SRSF4: variants seen among roughly 807,000 people sequenced by gnomAD.
SRSF4 encodes serine/arginine-rich splicing factor 4.
A neutral mutation model predicts 48.8 loss-of-function variants in SRSF4; 12 were observed. That is an observed-to-expected ratio of 0.25 (90% confidence interval 0.16 to 0.40). The LOEUF (loss-of-function observed/expected upper bound fraction) is 0.40, where lower values mean the gene tolerates loss of function less well. Ranked by LOEUF, SRSF4 falls within the 10% of genes least tolerant of loss-of-function variation. The probability of loss-of-function intolerance (pLI) is 1.00; values close to 1 mark genes in which losing one functional copy is unlikely to be tolerated. For synonymous variants in SRSF4, 248 were observed against 232.5 expected (o/e 1.07, Z -0.61); for missense variants, 466 against 667.1 (o/e 0.70, Z 3.32).
At chr1:29,178,820 G>A (rs1045423301) in intron 1 of SRSF4, among the ~76,000 whole-genome samples, 7 of 152,160 alleles carry the variant, frequency 4.6e-5, no homozygotes, top group African/African-American at 1.7e-4. Context: ...TTGCCATACA[G>A]GCAATTTTTG....
chr1:29,159,350 C>G (rs775183007), intron 3 of SRSF4, 24 bp downstream of exon 3: 2 of 1,580,364 alleles, frequency 1.3e-6, no homozygotes, highest in South Asian at 2.2e-5. Context: ...CAACCTTACC[C>G]CAAAAGGTTA....
chr1:29,159,551 C>CACA, intron 2 of SRSF4, 65 bp from the exon 3 acceptor site: 1 of 1,078,654 alleles, frequency 9.3e-7, no homozygotes, highest in East Asian at 2.5e-5. Context: ...TGACACAGCA[C>CACA]ACACCCCCCC....
chr1:29,155,528 C>T (rs1307163999), intron 3 of SRSF4, among the ~76,000 whole-genome samples: 3 of 152,164 alleles, frequency 2.0e-5, no homozygotes, highest in South Asian at 2.1e-4. Flanking sequence ...CTTGCTTTGT[C>T]GCTCAGGCAG....
chr1:29,173,130 C>CTTTTTTTTTT (rs71586892), intron 1 of SRSF4: 5 of 78,556 alleles, frequency 6.4e-5, no homozygotes, highest in Non-Finnish European at 9.1e-5. Context: ...GTCAAAAAGG[C>CTTTTTTTTTT]TTTTTTTTTT....
At chr1:29,170,389 A>C (rs1024049877) in intron 1 of SRSF4, 1 of 152,234 alleles carries the variant, frequency 6.6e-6, no homozygotes, top group African/African-American at 2.4e-5. Flanking sequence ...CTGATTCCAC[A>C]CAAAAGCTAC....
At chr1:29,166,340 T>G (rs78102920) in intron 1 of SRSF4, among the ~76,000 whole-genome samples, 5,317 of 152,288 alleles carry the variant, frequency 0.035, 288 homozygotes, top group African/African-American at 0.12. Context: ...CATAAAGTGC[T>G]TGGCAAACTG....
Position 29,148,248 on chromosome 1 carries a change from G to C in SRSF4, c.*162C>G, listed in dbSNP as rs527516813. On this transcript the variant is annotated 3_prime_UTR_variant, in exon 6 of 6. Coordinates refer to ENST00000373795, the MANE Select transcript of SRSF4 (RefSeq NM_005626.5). ...CGAGCAGGAAGGCCTGGTGCCAGGA[G>C]GCTTTACTGAGAGGAAGCACTTAGA... 1 of 1,040,446 alleles carries C rather than the reference G, an allele frequency of 9.6e-7. No individual in the cohort carries two copies. The highest frequency in any genetic ancestry group is 1.6e-5 in the African/African-American group (1 of 63,138). 64.5% of individuals were successfully genotyped at this position (1,040,446 alleles called of 1,614,324 possible).
In SRSF4 at chr1:29,148,369, C is replaced by G. The variant is rs377693872; in HGVS notation, c.*41G>C. ...TTGTGCTACGGCTACCAAACATGTACAAAAGACTTCTCGGGTAGTTCCAGC... is the reference window on the plus strand; with the variant it reads ...TTGTGCTACGGCTACCAAACATGTAGAAAAGACTTCTCGGGTAGTTCCAGC... On this transcript the variant is annotated 3_prime_UTR_variant, in exon 6 of 6. Transcript: ENST00000373795. 3.9e-6 allele frequency: 6 copies of G among 1,553,576 alleles called. No homozygotes were observed. In the African/African-American group the frequency reaches 8.2e-5, roughly 21 times the overall value.
chr1:29,157,190 T>C (rs1255020855), intron 3 of SRSF4, among the ~76,000 whole-genome samples: 1 of 152,048 alleles, frequency 6.6e-6, no homozygotes, highest in Non-Finnish European at 1.5e-5. Context: ...CATGGGAACA[T>C]AATGGTGATA....
intron 1 of SRSF4, 119 bp downstream of exon 1, chr1:29,181,527 G>C (rs1001610366): frequency 1.2e-6 from 1 of 858,374 alleles, no homozygotes; most frequent in African/African-American, 1.8e-5. Context: ...CTATGGCGGA[G>C]CCTGGCCAGG....
intron 4 of SRSF4, 195 bp downstream of exon 4, chr1:29,154,501 G>C (rs1229073539): frequency 1.7e-6 from 1 of 605,642 alleles, no homozygotes; most frequent in Non-Finnish European, 2.8e-6. Context: ...ATTTCTAAGA[G>C]AAGGGACTTC....
At chr1:29,157,614 A>C (rs1672520039) in intron 3 of SRSF4, among the ~76,000 whole-genome samples, 1 of 152,182 alleles carries the variant, frequency 6.6e-6, no homozygotes, top group Non-Finnish European at 1.5e-5. Flanking sequence ...TGTTACTTGA[A>C]GGTTGCTGGG....
Position 29,161,097 on chromosome 1 carries a change from T to G in SRSF4, c.108-580A>C, listed in dbSNP as rs1672588061. 3.9e-5 allele frequency among the ~76,000 whole-genome samples: 6 copies of G among 152,350 alleles called. No homozygotes were observed. In the South Asian group the frequency reaches 1.2e-3, roughly 32 times the overall value. On this transcript the variant is annotated intron_variant, in intron 1 of 5. Coordinates refer to ENST00000373795, the MANE Select transcript of SRSF4 (RefSeq NM_005626.5). ...ATTCCAAATTCATTTCCATGAAGTT[T>G]TAGAATAGGATGGAATTCTCTGAAA...
chr1:29,158,547 A>G (rs1228150129), intron 3 of SRSF4, among the ~76,000 whole-genome samples: 3 of 151,638 alleles, frequency 2.0e-5, no homozygotes, highest in Non-Finnish European at 4.4e-5. Flanking sequence ...CTCTTGCCTC[A>G]GCCTCCCAAG....
At chr1:29,153,186 T>C (rs935934849) in intron 4 of SRSF4, among the ~76,000 whole-genome samples, 3 of 152,094 alleles carry the variant, frequency 2.0e-5, no homozygotes, top group African/African-American at 7.2e-5. Context: ...GGCTGGAGTA[T>C]AGTGGAGTGA....
chr1:29,180,030 T>C (rs1246430634), intron 1 of SRSF4, among the ~76,000 whole-genome samples: 2 of 152,244 alleles, frequency 1.3e-5, no homozygotes, highest in Non-Finnish European at 2.9e-5. Context: ...TGTTTCCTCA[T>C]CCCTCTGATT....
chr1:29,162,124 C>T (rs528909683), intron 1 of SRSF4, among the ~76,000 whole-genome samples: 11 of 152,114 alleles, frequency 7.2e-5, no homozygotes, highest in Non-Finnish European at 1.3e-4. Context: ...CAGACACACC[C>T]GGTTATTTAA....
At chr1:29,176,146 G>C (rs1672847958) in intron 1 of SRSF4, among the ~76,000 whole-genome samples, 2 of 151,868 alleles carry the variant, frequency 1.3e-5, no homozygotes, top group African/African-American at 4.8e-5. Context: ...CAGCTACTTG[G>C]GAGGCTGAGG....
chr1:29,181,530 T>C (rs1672957632), intron 1 of SRSF4, 116 bp downstream of exon 1: 4 of 899,778 alleles, frequency 4.4e-6, no homozygotes, highest in East Asian at 3.1e-5. Flanking sequence ...TGGCGGAGCC[T>C]GGCCAGGCCG....
Sources: gnomAD v4.1 joint callset for allele counts (sites outside exome capture counted in the v4.1 genomes callset) on GRCh38, gnomAD v4.1.1 for gene constraint, MANE v1.5 for transcripts, NCBI Gene and HGNC (gene_info 2026-07-23, HGNC 2026-07-21) for gene names.